The following DPP6 variants were observed in gnomAD, a reference collection of about 807,000 sequenced individuals.
The protein encoded by DPP6 is A-type potassium channel modulatory protein DPP6.
A neutral mutation model predicts 122.6 loss-of-function variants in DPP6; 69 were observed. The observed-to-expected ratio is 0.56, with a 90% CI of 0.46 to 0.69. The LOEUF (loss-of-function observed/expected upper bound fraction) is 0.69. DPP6 is among the 30% of genes least tolerant of loss of function. DPP6 has a pLI of 0.00. For missense variants in DPP6, 928 were observed against 1,116.9 expected (o/e 0.83, Z 2.41); for synonymous variants, 418 against 433.1 (o/e 0.97, Z 0.43).
At chr7:154,235,690 T>G (rs531276267) in intron 1 of DPP6, among the ~76,000 whole-genome samples, 1 of 152,180 alleles carries the variant, frequency 6.6e-6, no homozygotes, top group Non-Finnish European at 1.5e-5. Context: ...AATCCCTGTT[T>G]TTCTTTTTTT....
rs180940553 is a variant in DPP6 at position 153,938,637 on chromosome 7, A to G, written c.51+50903A>G. ...TAGAAAGTTATCGACGTCCAACCCC[A>G]TGAGACCATTACTGTCCCATTTAGC... On this transcript the variant is annotated intron_variant, in intron 1 of 25. Coordinates refer to the DPP6 transcript ENST00000404039. Among the ~76,000 whole-genome samples, 296 of 152,326 alleles carry G rather than the reference A, an allele frequency of 1.9e-3. 1 individual carries two copies. The highest frequency in any genetic ancestry group is 0.012 in the Admixed American group (182 of 15,300).
chr7:153,912,663 T>G (rs1800140733), intron 1 of DPP6, among the ~76,000 whole-genome samples: 1 of 152,204 alleles, frequency 6.6e-6, no homozygotes, highest in Non-Finnish European at 1.5e-5. Flanking sequence ...GGGGCAATCT[T>G]CCTCATGTTG....
intron 1 of DPP6, among the ~76,000 whole-genome samples, chr7:154,116,220 T>A (rs543007806): frequency 6.6e-6 from 1 of 152,306 alleles, no homozygotes; most frequent in African/African-American, 2.4e-5. Flanking sequence ...CAAGGAAAAA[T>A]TTCATAAAGA....
rs190271603 is a variant in DPP6 at position 154,770,580 on chromosome 7, G to T, written c.1038+1009G>T. Among the ~76,000 whole-genome samples, 467 of 152,306 alleles carry T rather than the reference G, an allele frequency of 3.1e-3. 1 individual carries two copies. The highest frequency in any genetic ancestry group is 9.8e-3 in the African/African-American group (409 of 41,560). ...CCCTCGCCAGATACTGAATCAGCCAGCACCTTGATCTTGGACTTCCAGTCC... is the reference window on the plus strand; with the variant it reads ...CCCTCGCCAGATACTGAATCAGCCATCACCTTGATCTTGGACTTCCAGTCC... On this transcript the variant is annotated intron_variant, in intron 9 of 25. Transcript: ENST00000377770.
chr7:154,588,248 C>G, intron 5 of DPP6: 4 of 1,253,020 alleles, frequency 3.2e-6, no homozygotes, highest in Non-Finnish European at 3.2e-6. Flanking sequence ...TCCACTGGTT[C>G]AAATGGCCTG....
intron 15 of DPP6, among the ~76,000 whole-genome samples, chr7:154,805,225 G>T (rs922511528): frequency 1.3e-5 from 2 of 152,186 alleles, no homozygotes; most frequent in African/African-American, 4.8e-5. Flanking sequence ...TTTGGCTAAC[G>T]GATGGACTTT....
intron 5 of DPP6, among the ~76,000 whole-genome samples, chr7:154,601,679 A>G (rs1019770455): frequency 8.3e-6 from 1 of 120,326 alleles, no homozygotes; most frequent in African/African-American, 2.6e-5. Flanking sequence ...GACAATCTCT[A>G]TCTTTTAAAA....
At chr7:154,400,418 G>C (rs1051985371) in intron 1 of DPP6, among the ~76,000 whole-genome samples, 4 of 152,186 alleles carry the variant, frequency 2.6e-5, no homozygotes, top group Non-Finnish European at 5.9e-5. Context: ...AAGTAGGTTT[G>C]GACCCAAGAA....
chr7:154,742,617 G>C (rs1842864775), intron 8 of DPP6, among the ~76,000 whole-genome samples: 1 of 152,206 alleles, frequency 6.6e-6, no homozygotes, highest in Non-Finnish European at 1.5e-5. Context: ...AGCATTTCCT[G>C]ATATGGAGGA....
At chr7:154,059,622 G>T (rs1380037226) in intron 1 of DPP6, 19 of 149,436 alleles carry the variant, frequency 1.3e-4, no homozygotes, top group Non-Finnish European at 2.7e-4. Context: ...CACAAAGGGG[G>T]CGGGGACCCG....
At chr7:154,832,855 G>C (rs1321543464) in intron 16 of DPP6, among the ~76,000 whole-genome samples, 1 of 152,238 alleles carries the variant, frequency 6.6e-6, no homozygotes, top group Admixed American at 6.5e-5. Flanking sequence ...GAATGGTGTT[G>C]CCTCCAACAT....
At chr7:154,022,525 T>C (rs567568877) in intron 1 of DPP6, among the ~76,000 whole-genome samples, 90 of 152,312 alleles carry the variant, frequency 5.9e-4, no homozygotes, top group Middle Eastern at 3.4e-3. Flanking sequence ...GAAAAGAGTT[T>C]TAGGCAATGC....
At chr7:153,938,154 G>A (rs1801543789) in intron 1 of DPP6, among the ~76,000 whole-genome samples, 1 of 152,136 alleles carries the variant, frequency 6.6e-6, no homozygotes, top group African/African-American at 2.4e-5. Context: ...GGAATGAGTG[G>A]AACCTGAAAA....
At chr7:154,868,762 G>A (rs949821921) in intron 18 of DPP6, among the ~76,000 whole-genome samples, 1 of 152,164 alleles carries the variant, frequency 6.6e-6, no homozygotes, top group Non-Finnish European at 1.5e-5. Context: ...CAAGTCACCC[G>A]GCTGGCCCCG....
chr7:154,227,074 G>T lies in DPP6; in HGVS notation c.243+174011G>T, dbSNP rs566488093. On this transcript the variant is annotated intron_variant, in intron 1 of 25. Coordinates refer to ENST00000377770, the MANE Select transcript of DPP6 (RefSeq NM_130797.4). ...ATATGTTCCAATAATTCCACTTCTGGGTATTTCTCCAAGAGAAGTGAAATT... is the reference window on the plus strand; with the variant it reads ...ATATGTTCCAATAATTCCACTTCTGTGTATTTCTCCAAGAGAAGTGAAATT... 2.6e-5 allele frequency among the ~76,000 whole-genome samples: 4 copies of T among 152,046 alleles called. No individual in the cohort carries two copies. In the East Asian group the frequency reaches 5.8e-4, roughly 22 times the overall value.
chr7:154,575,920 G>A (rs1190385523), intron 5 of DPP6, among the ~76,000 whole-genome samples: 3 of 152,094 alleles, frequency 2.0e-5, no homozygotes, highest in South Asian at 4.1e-4. Flanking sequence ...CGATTCTTTC[G>A]TGTATAGCTT....
chr7:154,874,336 G>A lies in DPP6; in HGVS notation c.1884-1570G>A, dbSNP rs536439380. ...CTTCCCTTCAGAGGTAAAAGTGGTC[G>A]TGCCCGGTGGAGACAGCTGAGCTCT... is the stretch of plus-strand genomic sequence containing the variant. On this transcript the variant is annotated intron_variant, in intron 19 of 25. Transcript: ENST00000377770. Among the ~76,000 whole-genome samples, 170 of 152,292 alleles carry A rather than the reference G, an allele frequency of 1.1e-3. 1 individual carries two copies. Among genetic ancestry groups the A allele is most frequent in the Non-Finnish European group, 3.5e-4 (24 of 68,022 alleles).
At chr7:153,756,909 A>C in the DPP6 span, among the ~76,000 whole-genome samples, 1 of 152,154 alleles carries the variant, frequency 6.6e-6, no homozygotes, top group Admixed American at 6.5e-5. Context: ...ACATAAGTTA[A>C]GTTTCCAGGA....
chr7:154,255,749 G>A (rs79227123), intron 1 of DPP6, among the ~76,000 whole-genome samples: 5,936 of 152,310 alleles, frequency 0.039, 191 homozygotes, highest in East Asian at 0.13. Context: ...GCGCTTGAAT[G>A]TTCTATTGTT....
Sources: allele counts gnomAD v4.1 joint callset (sites outside exome capture counted in the v4.1 genomes callset), GRCh38; gene constraint gnomAD v4.1.1; transcripts MANE v1.5; gene names NCBI Gene and HGNC (gene_info 2026-07-23, HGNC 2026-07-21).